Variants in SSX1 observed in about 807,000 individuals in gnomAD.
The protein encoded by SSX1 is protein SSX1.
A neutral mutation model predicts 14.6 loss-of-function variants in SSX1; 58 were observed. The ratio of observed to expected loss-of-function variants is 3.96; its 90% confidence interval spans 3.21 to 4.93. The LOEUF (loss-of-function observed/expected upper bound fraction) is 4.93, where lower values mean the gene tolerates loss of function less well. Ranked by LOEUF, SSX1 falls within the 30% of genes most tolerant of loss-of-function variation. SSX1 has a pLI of 0.00. For missense variants in SSX1, 272 were observed against 143.1 expected, an observed-to-expected ratio of 1.90 and a Z score of -4.60; for synonymous variants, 46 against 52.1, an observed-to-expected ratio of 0.88 and a Z score of 0.50.
At chrX:48,259,575 A>C (rs1467218014) in intron 4 of SSX1, among the ~76,000 whole-genome samples, 1 of 110,929 alleles carries the variant, frequency 9.0e-6, no homozygotes, top group African/African-American at 3.3e-5. Context: ...AGCATTAGGT[A>C]TATCTCCCAA....
chrX:48,259,917 T>C (rs1420453005), intron 4 of SSX1, among the ~76,000 whole-genome samples: 1 of 104,258 alleles, frequency 9.6e-6, no homozygotes, highest in African/African-American at 3.5e-5. Context: ...AACATATGTG[T>C]GCATGTGTCT....
At chrX:48,264,020 G>A (rs2059614686) in intron 6 of SSX1, 103 bp downstream of exon 6, 1 of 1,128,961 alleles carries the variant, frequency 8.9e-7, no homozygotes, top group Non-Finnish European at 1.2e-6. Context: ...CTGGGTCCAG[G>A]CTGGGCTGAA....
chrX:48,256,468 T>G (rs1338644553), intron 1 of SSX1, among the ~76,000 whole-genome samples: 3 of 83,190 alleles, frequency 3.6e-5, no homozygotes, highest in African/African-American at 8.8e-5. Flanking sequence ...TTTTTTTTTT[T>G]TTTTTTTTTT....
chrX:48,263,747 T>C (rs1556935910), intron 5 of SSX1, 35 bp from the exon 6 acceptor site: 3 of 1,208,594 alleles, frequency 2.5e-6, no homozygotes, highest in South Asian at 3.5e-5. Context: ...GAAATGTCAC[T>C]GATACTGTTT....
At chrX:48,258,391 T>C in intron 3 of SSX1, 145 bp from the exon 4 acceptor site, 1 of 500,903 alleles carries the variant, frequency 2.0e-6, no homozygotes, top group East Asian at 3.6e-5. Context: ...TGGGGGTCTC[T>C]CTATGTTACA....
In SSX1 at chrX:48,267,284, C is replaced by CACAGAGAG; in HGVS notation, c.*438_*439insGAGAGACA. Reference sequence around the variant, plus strand: ...ACACACACACACACACACACGCACACACACACACCAAGTACCAGTATAAGC... The same window carrying CACAGAGAG: ...ACACACACACACACACACACGCACACACAGAGAGACACACACCAAGTACCAGTATAAGC... On this transcript the variant is annotated 3_prime_UTR_variant, in exon 8 of 8. Coordinates refer to ENST00000376919, the MANE Select transcript of SSX1 (RefSeq NM_005635.4). 4.6e-6 allele frequency: 1 copy of CACAGAGAG among 215,308 alleles called. No homozygotes were observed. The highest frequency in any genetic ancestry group is 9.4e-5 in the South Asian group (1 of 10,657). 17.7% of individuals were successfully genotyped at this position (215,308 alleles called of 1,213,427 possible).
chrX:48,259,679 C>A (rs1333406951), intron 4 of SSX1, among the ~76,000 whole-genome samples: 1 of 110,513 alleles, frequency 9.0e-6, no homozygotes, highest in Non-Finnish European at 1.9e-5. Flanking sequence ...TCAATTCCCA[C>A]CTATGAGTGA....
intron 6 of SSX1, among the ~76,000 whole-genome samples, chrX:48,264,406 A>G (rs782456420): frequency 1.8e-5 from 2 of 112,689 alleles, no homozygotes; most frequent in Non-Finnish European, 3.7e-5. Context: ...GCAGTGCATA[A>G]AAACATTATG....
chrX:48,258,993 G>A (rs1162924249), intron 4 of SSX1, among the ~76,000 whole-genome samples: 9 of 63,533 alleles, frequency 1.4e-4, no homozygotes, highest in Admixed American at 4.7e-4. Context: ...GTTTTGTTTC[G>A]TTTTGTTTTG....
chrX:48,264,365 T>C (rs1384988681), intron 6 of SSX1, among the ~76,000 whole-genome samples: 1 of 112,412 alleles, frequency 8.9e-6, no homozygotes, highest in Non-Finnish European at 1.9e-5. Context: ...TGCAATAAAG[T>C]GAGTCACACA....
intron 1 of SSX1, among the ~76,000 whole-genome samples, chrX:48,256,549 C>T (rs1283210909): frequency 9.8e-6 from 1 of 102,173 alleles, no homozygotes; most frequent in Non-Finnish European, 2.0e-5. Flanking sequence ...GATCTGCACG[C>T]CTCGGCCTCC....
In SSX1 at chrX:48,263,854, GA is replaced by G; in HGVS notation, c.404del (p.Asp135ValfsTer41). On this transcript the variant is annotated frameshift_variant, in exon 6 of 8. Coordinates refer to ENST00000376919, the MANE Select transcript of SSX1 (RefSeq NM_005635.4). LOFTEE classifies it high-confidence loss of function. ...GVSEASGPQNDGKQLHPPGKA... is the reference protein window; with the variant it reads ...GVSEASGPQNXGKQLHPPGKA... Reference sequence around the variant, plus strand: ...GTCAGAAGCATCTGGCCCACAAAACGATGGGAAACAACTGCACCCCCCAGGA... The same window carrying G: ...GTCAGAAGCATCTGGCCCACAAAACGTGGGAAACAACTGCACCCCCCAGGA... 8.3e-7 allele frequency: 1 copy of G among 1,211,570 alleles called. No homozygotes were observed. The highest frequency in any genetic ancestry group is 1.1e-6 in the Non-Finnish European group (1 of 895,356).
chrX:48,255,805 A>G (rs1159126719), intron 1 of SSX1, among the ~76,000 whole-genome samples: 6 of 99,989 alleles, frequency 6.0e-5, no homozygotes, highest in African/African-American at 2.2e-4. Flanking sequence ...CGGTTTTGCT[A>G]TGTTGGCCAG....
intron 3 of SSX1, among the ~76,000 whole-genome samples, chrX:48,258,185 C>CTTTTTTT (rs1201912440): frequency 3.4e-4 from 25 of 72,936 alleles, no homozygotes; most frequent in Non-Finnish European, 4.4e-4. Context: ...CTCTCTCTCC[C>CTTTTTTT]TTTTTTTTTT....
intron 4 of SSX1, among the ~76,000 whole-genome samples, chrX:48,260,762 C>T (rs145877396): frequency 0.014 from 1,369 of 99,171 alleles, 18 homozygotes; most frequent in African/African-American, 0.047. Context: ...AATCAAAGGA[C>T]AGTTAAGACA....
chrX:48,256,547 C>A (rs1256113523), intron 1 of SSX1, among the ~76,000 whole-genome samples: 4 of 97,718 alleles, frequency 4.1e-5, no homozygotes, highest in African/African-American at 1.1e-4. Context: ...GAGATCTGCA[C>A]GCCTCGGCCT....
At chrX:48,258,939 G>A (rs1290960638) in intron 4 of SSX1, among the ~76,000 whole-genome samples, 1 of 111,055 alleles carries the variant, frequency 9.0e-6, no homozygotes, top group African/African-American at 3.3e-5. Context: ...ATTGGTGAGT[G>A]CTGCACAGAC....
In SSX1 at chrX:48,266,386, A is replaced by C. The variant is rs1556936474; in HGVS notation, c.566A>C (p.Ter189SerextTer17). 2.5e-6 allele frequency: 3 copies of C among 1,210,303 alleles called. No homozygotes were observed. The South Asian group carries it at 5.3e-5, about 21-fold the overall frequency. Residue 189 changes from the stop codon to serine (S), a stop_lost, in exon 7 of 8, where the codon TAA becomes TCA. Transcript: ENST00000376919. ...AGTGACCCTGAGGAAGATGACGAGTAACTCCGTAAGTGAACCTTCGGCTCA... is the reference window on the plus strand; with the variant it reads ...AGTGACCCTGAGGAAGATGACGAGTCACTCCGTAAGTGAACCTTCGGCTCA... ...EISDPEEDDE[*>S]
rs782598530 is a variant in SSX1 at position 48,263,778 on chromosome X, A to G, written c.331-4A>G. On this transcript the variant is annotated splice_region_variant and splice_polypyrimidine_tract_variant and intron_variant, in intron 5 of 7. Coordinates refer to ENST00000376919, the MANE Select transcript of SSX1 (RefSeq NM_005635.4). ...TGTTTATCTGTAACCTTCACATTAT[A>G]AAGATCATGCCCAAGAAGCCAGCAG... 64 of 1,209,611 alleles carry G rather than the reference A, an allele frequency of 5.3e-5. No homozygotes were observed. In the East Asian group the frequency reaches 1.5e-3, roughly 29 times the overall value.
Sources: allele counts gnomAD v4.1 joint callset (sites outside exome capture counted in the v4.1 genomes callset), GRCh38; gene constraint gnomAD v4.1.1; transcripts MANE v1.5; gene names NCBI Gene and HGNC (gene_info 2026-07-23, HGNC 2026-07-21).